VOPP1: variants seen among roughly 807,000 people sequenced by gnomAD.
The protein encoded by VOPP1 is WW domain binding protein VOPP1.
VOPP1 carries 8 observed loss-of-function variants against 23.5 expected under a neutral mutation model. The ratio of observed to expected loss-of-function variants is 0.34; its 90% CI spans 0.20 to 0.61. The LOEUF (loss-of-function observed/expected upper bound fraction) is 0.61, where lower values mean the gene tolerates loss of function less well. VOPP1 is among the 20% of genes least tolerant of loss of function. The pLI, the probability that VOPP1 is intolerant of heterozygous loss-of-function variation, is 0.78. For missense variants in VOPP1, 174 were observed against 238.1 expected, an observed-to-expected ratio of 0.73 and a Z score of 1.77; for synonymous variants, 83 against 97.3, an observed-to-expected ratio of 0.85 and a Z score of 0.86.
At chr7:55,532,280 GACCCAACC>G (rs1314881375) in intron 1 of VOPP1, among the ~76,000 whole-genome samples, 8 of 152,216 alleles carry the variant, frequency 5.3e-5, no homozygotes, top group Non-Finnish European at 1.2e-4. Flanking sequence ...CCTGAACAGT[GACCCAACC>G]ATGGTCAGGT....
At chr7:55,539,443 T>G (rs542855880) in intron 1 of VOPP1, 1 of 152,198 alleles carries the variant, frequency 6.6e-6, no homozygotes, top group East Asian at 1.9e-4. Flanking sequence ...GATCAACACA[T>G]GAAATCCCCA....
intron 4 of VOPP1, among the ~76,000 whole-genome samples, chr7:55,441,722 AC>A (rs1438960973): frequency 6.6e-6 from 1 of 150,690 alleles, no homozygotes; most frequent in Non-Finnish European, 1.5e-5. Flanking sequence ...CCCCACCCTC[AC>A]CCCCCAGGTC....
chr7:55,508,875 C>T (rs1794896232), intron 2 of VOPP1, among the ~76,000 whole-genome samples: 1 of 152,026 alleles, frequency 6.6e-6, no homozygotes, highest in Non-Finnish European at 1.5e-5. Context: ...GATCCTGTCT[C>T]TATAAAAAAA....
intron 1 of VOPP1, among the ~76,000 whole-genome samples, chr7:55,556,497 G>A (rs1277603989): frequency 6.6e-6 from 1 of 151,848 alleles, no homozygotes; most frequent in African/African-American, 2.4e-5. Flanking sequence ...ACGTGAACCA[G>A]CAACAGGAAC....
At chr7:55,541,856 G>A (rs1242961332) in intron 1 of VOPP1, among the ~76,000 whole-genome samples, 1 of 152,198 alleles carries the variant, frequency 6.6e-6, no homozygotes, top group Non-Finnish European at 1.5e-5. Context: ...TGTCCAGAAA[G>A]AGTAAATTTA....
In VOPP1 at chr7:55,570,340, T is replaced by C. The variant is rs1798306372; in HGVS notation, c.54+1931A>G. 2.0e-5 allele frequency among the ~76,000 whole-genome samples: 3 copies of C among 152,208 alleles called. No individual in the cohort carries two copies. The South Asian group carries it at 6.2e-4, about 31-fold the overall frequency. On this transcript the variant is annotated intron_variant, in intron 1 of 4. Coordinates refer to ENST00000285279, the MANE Select transcript of VOPP1 (RefSeq NM_030796.5). ...AATCATCATGTCAAAGTGGGTGACA[T>C]CACACTGTCCCCTCTGAAACAATCA...
rs559082491 is a variant in VOPP1, at chr7:55,518,621, G to A, written c.113+2451C>T. On this transcript the variant is annotated intron_variant, in intron 2 of 4. Transcript: ENST00000285279. ...TCAAAGGTCCCCTACATGGGTTGGC[G>A]CTGCTGACTGCATGGTGGGAACTGC... 3.3e-4 allele frequency among the ~76,000 whole-genome samples: 50 copies of A among 152,342 alleles called. No individual in the cohort carries two copies. The South Asian group carries it at 9.5e-3, about 29-fold the overall frequency.
chr7:55,469,538 C>T (rs1385133453), downstream of VOPP1, among the ~76,000 whole-genome samples: 3 of 152,176 alleles, frequency 2.0e-5, no homozygotes, highest in Non-Finnish European at 2.9e-5. Context: ...GTGGATTTGT[C>T]GGCGCCCTGC....
At chr7:55,527,716 C>G (rs557220595) in intron 1 of VOPP1, among the ~76,000 whole-genome samples, 1 of 152,214 alleles carries the variant, frequency 6.6e-6, no homozygotes, top group African/African-American at 2.4e-5. Context: ...GGGCTGATAT[C>G]TTTATCAATA....
chr7:55,550,796 G>A (rs1251271129), intron 1 of VOPP1, among the ~76,000 whole-genome samples: 4 of 152,150 alleles, frequency 2.6e-5, no homozygotes, highest in African/African-American at 9.7e-5. Context: ...GCAGAAAATG[G>A]CTGGAAGGAA....
At chr7:55,504,437 T>A (rs1396832706) in intron 2 of VOPP1, among the ~76,000 whole-genome samples, 1 of 152,230 alleles carries the variant, frequency 6.6e-6, no homozygotes, top group Non-Finnish European at 1.5e-5. Context: ...AAAGGATACA[T>A]GAGCCTCTGG....
intron 4 of VOPP1, among the ~76,000 whole-genome samples, chr7:55,477,220 A>C (rs1792324852): frequency 6.6e-6 from 1 of 152,208 alleles, no homozygotes; most frequent in South Asian, 2.1e-4. Flanking sequence ...AGTATGCAGC[A>C]GTTGCCTAGT....
intron 2 of VOPP1, among the ~76,000 whole-genome samples, chr7:55,502,168 A>G (rs1794414940): frequency 6.6e-6 from 1 of 152,220 alleles, no homozygotes; most frequent in Non-Finnish European, 1.5e-5. Flanking sequence ...TGCTGGAGAG[A>G]GCAGACTACC....
intron 2 of VOPP1, among the ~76,000 whole-genome samples, chr7:55,520,848 G>C (rs549276825): frequency 1.3e-5 from 2 of 152,258 alleles, no homozygotes; most frequent in Admixed American, 6.5e-5. Context: ...CTGCATCACA[G>C]AACAGGGCAC....
intron 4 of VOPP1, among the ~76,000 whole-genome samples, chr7:55,481,431 G>A (rs940781765): frequency 2.6e-5 from 4 of 152,228 alleles, no homozygotes; most frequent in Admixed American, 6.5e-5. Context: ...CCACCAGGGA[G>A]GCTCTCATCA....
intron 4 of VOPP1, among the ~76,000 whole-genome samples, chr7:55,477,129 C>T (rs1792316422): frequency 6.6e-6 from 1 of 152,222 alleles, no homozygotes; most frequent in Admixed American, 6.5e-5. Context: ...CACCAGGCAG[C>T]CCCCTCTTGC....
In VOPP1 at chr7:55,572,270, C is replaced by T. The variant is rs1488057591; in HGVS notation, c.54+1G>A. Reference sequence around the variant, plus strand: ...GGCAGCACCCGGTCCCCGGCCCCTACCTCCAAGAGCAGCCCGAGCAGCAGC... The same window carrying T: ...GGCAGCACCCGGTCCCCGGCCCCTATCTCCAAGAGCAGCCCGAGCAGCAGC... On this transcript the variant is annotated splice_donor_variant, in intron 1 of 4. Transcript: ENST00000285279. LOFTEE classifies it high-confidence loss of function. 4 of 1,525,734 alleles carry T rather than the reference C, an allele frequency of 2.6e-6. No homozygotes were observed. Among genetic ancestry groups the T allele is most frequent in the Non-Finnish European group, 3.5e-6 (4 of 1,146,790 alleles). 94.5% of individuals were successfully genotyped at this position (1,525,734 alleles called of 1,614,324 possible).
intron 1 of VOPP1, chr7:55,521,603 C>T (rs2129041718): frequency 3.0e-6 from 3 of 987,556 alleles, no homozygotes; most frequent in Middle Eastern, 5.2e-4. Flanking sequence ...CTGCGAGTCA[C>T]GGTTCACTCG....
chr7:55,453,742 T>C (rs902589383), intron 4 of VOPP1, among the ~76,000 whole-genome samples: 5 of 152,130 alleles, frequency 3.3e-5, no homozygotes, highest in Non-Finnish European at 5.9e-5. Context: ...GACATAGAGA[T>C]AAAAAGTGAG....
Sources: gnomAD v4.1 joint callset for allele counts (sites outside exome capture counted in the v4.1 genomes callset) on GRCh38, gnomAD v4.1.1 for gene constraint, MANE v1.5 for transcripts, NCBI Gene and HGNC (gene_info 2026-07-23, HGNC 2026-07-21) for gene names.